PDE11A: variants seen among roughly 807,000 people sequenced by gnomAD.
The protein encoded by PDE11A is phosphodiesterase 11A.
PDE11A carries 100 observed loss-of-function variants against 100.5 expected under a neutral mutation model. That is an observed-to-expected ratio of 1.00 (90% CI 0.85 to 1.18). The LOEUF (loss-of-function observed/expected upper bound fraction) is 1.18. PDE11A is among the 50% of genes most tolerant of loss of function. The pLI is 0.00. For synonymous variants in PDE11A, 381 were observed against 420.8 expected, an observed-to-expected ratio of 0.91 and a Z score of 1.16; for missense variants, 1,141 against 1,152.6, an observed-to-expected ratio of 0.99 and a Z score of 0.15.
At chr2:177,747,298 A>G (rs1390390576) in intron 10 of PDE11A, among the ~76,000 whole-genome samples, 1 of 152,190 alleles carries the variant, frequency 6.6e-6, no homozygotes, top group African/African-American at 2.4e-5. Context: ...TGTTTTGACA[A>G]TTTGGCTCCT....
chr2:177,764,065 A>AT (rs369293099), intron 10 of PDE11A, among the ~76,000 whole-genome samples: 10 of 152,074 alleles, frequency 6.6e-5, no homozygotes, highest in Middle Eastern at 6.8e-3. Flanking sequence ...ATCAAATCTA[A>AT]TTTTTTTTAA....
chr2:177,924,741 T>A (rs79226311), intron 2 of PDE11A, among the ~76,000 whole-genome samples: 2 of 150,992 alleles, frequency 1.3e-5, no homozygotes, highest in African/African-American at 2.5e-5. Context: ...TTTTTTTTTT[T>A]ATTATACTTT....
At position 177,924,476 on chromosome 2, in the gene PDE11A, T is replaced by C. The variant is rs142928211; in HGVS notation, c.1072-19289A>G. On this transcript the variant is annotated intron_variant, in intron 2 of 19. Transcript: ENST00000286063. ...CCATGACTTCTCTAACACTTATTCA[T>C]GGCCACGAGAGCTAGAGAAGGCCAT... Among the ~76,000 whole-genome samples, 292 of 152,332 alleles carry C rather than the reference T, an allele frequency of 1.9e-3. 1 individual carries two copies. The highest frequency in any genetic ancestry group is 6.7e-3 in the African/African-American group (280 of 41,570).
intron 5 of PDE11A, among the ~76,000 whole-genome samples, chr2:177,847,990 T>TG (rs1558970184): frequency 0.012 from 1,820 of 147,904 alleles, 15 homozygotes; most frequent in Non-Finnish European, 0.019. Context: ...AATGGTGTGT[T>TG]TGTGTGTGTG....
chr2:177,874,946 G>T (rs995966275), intron 5 of PDE11A, among the ~76,000 whole-genome samples: 1 of 152,100 alleles, frequency 6.6e-6, no homozygotes. Flanking sequence ...CAAGGTGGCC[G>T]GGCACAGTGG....
intron 10 of PDE11A, among the ~76,000 whole-genome samples, chr2:177,762,259 T>C (rs774414768): frequency 6.6e-6 from 1 of 152,174 alleles, no homozygotes; most frequent in Non-Finnish European, 1.5e-5. Flanking sequence ...CGTAGCTCTG[T>C]GCACACTGAA....
intron 9 of PDE11A, among the ~76,000 whole-genome samples, chr2:177,792,081 T>A (rs888039020): frequency 1.3e-5 from 2 of 152,174 alleles, no homozygotes; most frequent in African/African-American, 4.8e-5. Context: ...GACTATAATT[T>A]ATAACTATTT....
intron 2 of PDE11A, among the ~76,000 whole-genome samples, chr2:177,980,029 G>A (rs1032667577): frequency 2.0e-5 from 3 of 150,440 alleles, no homozygotes; most frequent in Non-Finnish European, 4.5e-5. Flanking sequence ...TCTCTCTGAA[G>A]CAGTTGACAG....
intron 2 of PDE11A, among the ~76,000 whole-genome samples, chr2:178,006,492 T>C (rs2086212708): frequency 6.6e-6 from 1 of 152,040 alleles, no homozygotes; most frequent in Non-Finnish European, 1.5e-5. Context: ...CTTTTTACCC[T>C]AAAGTCAAGA....
intron 15 of PDE11A, chr2:177,686,626 C>T (rs2080955629): frequency 6.7e-6 from 1 of 148,648 alleles, no homozygotes; most frequent in African/African-American, 2.5e-5. Flanking sequence ...TATAACACAT[C>T]TGGTAATGTA....
Position 177,938,890 on chromosome 2 carries a change from T to C in PDE11A, c.1072-33703A>G, listed in dbSNP as rs191897367. ...CTCTAATCCAATATGACTGGTGTCC[T>C]TAGAAGAAGAGAAGATTAGGACACA... On this transcript the variant is annotated intron_variant, in intron 2 of 19. Transcript: ENST00000286063. Among the ~76,000 whole-genome samples the C allele has an allele frequency of 1.6e-3, 250 of 152,220 alleles. 2 individuals carry two copies. Among genetic ancestry groups the C allele is most frequent in the African/African-American group, 5.6e-3 (234 of 41,518 alleles).
chr2:178,077,342 C>T (rs1008672242), upstream of PDE11A, among the ~76,000 whole-genome samples: 1 of 148,612 alleles, frequency 6.7e-6, no homozygotes, highest in Non-Finnish European at 1.5e-5. Flanking sequence ...TGCCAAAGCC[C>T]CATTTCTAAC....
intron 2 of PDE11A, among the ~76,000 whole-genome samples, chr2:177,930,840 A>G (rs1488262229): frequency 3.9e-5 from 6 of 152,198 alleles, no homozygotes; most frequent in Admixed American, 2.0e-4. Flanking sequence ...CCATGAACCA[A>G]CCGGGACCTA....
At chr2:177,789,623 T>C (rs2082596443) in intron 9 of PDE11A, among the ~76,000 whole-genome samples, 1 of 152,018 alleles carries the variant, frequency 6.6e-6, no homozygotes, top group Non-Finnish European at 1.5e-5. Context: ...ATGACATGAT[T>C]GTATATCTAG....
chr2:178,090,623 C>T (rs1333536850), intron 2 of PDE11A, among the ~76,000 whole-genome samples: 1 of 152,156 alleles, frequency 6.6e-6, no homozygotes, highest in African/African-American at 2.4e-5. Flanking sequence ...TAAATCCAAA[C>T]TGTAATTATA....
intron 4 of PDE11A, among the ~76,000 whole-genome samples, chr2:177,876,221 A>C (rs987318276): frequency 6.6e-6 from 1 of 152,250 alleles, no homozygotes; most frequent in African/African-American, 2.4e-5. Context: ...ATCTCATTTG[A>C]ATACTTAAAA....
intron 19 of PDE11A, among the ~76,000 whole-genome samples, chr2:177,635,048 C>A (rs1365776059): frequency 2.6e-5 from 4 of 152,210 alleles, no homozygotes; most frequent in African/African-American, 9.7e-5. Flanking sequence ...CTGTGGCATC[C>A]CTGCTGCGTG....
chr2:177,660,093 TTC>T (rs1491057140), intron 19 of PDE11A, among the ~76,000 whole-genome samples: 1 of 35,856 alleles, frequency 2.8e-5, no homozygotes, highest in Non-Finnish European at 6.0e-5. Flanking sequence ...CTTTCTTTCT[TTC>T]TTTCTCTCTC....
chr2:177,686,223 T>C (rs2080946150), intron 15 of PDE11A, among the ~76,000 whole-genome samples: 1 of 152,218 alleles, frequency 6.6e-6, no homozygotes, highest in Admixed American at 6.5e-5. Flanking sequence ...GGAATCTTTC[T>C]GGATAATAGG....
Sources: gnomAD v4.1 joint callset for allele counts (sites outside exome capture counted in the v4.1 genomes callset) on GRCh38, gnomAD v4.1.1 for gene constraint, MANE v1.5 for transcripts, NCBI Gene and HGNC (gene_info 2026-07-23, HGNC 2026-07-21) for gene names.